GLIS3: variants seen among roughly 807,000 people sequenced by gnomAD.
GLIS3 encodes GLIS family zinc finger 3.
Under a neutral mutation model 78.6 loss-of-function variants are expected in GLIS3, and 53 were observed. The ratio of observed to expected loss-of-function variants is 0.67; its 90% CI spans 0.54 to 0.85. The LOEUF (loss-of-function observed/expected upper bound fraction) is 0.85, where lower values mean the gene tolerates loss of function less well. Ranked by LOEUF, GLIS3 falls within the 40% of genes least tolerant of loss-of-function variation. GLIS3 has a pLI of 0.00. For synonymous variants in GLIS3, 684 were observed against 509.9 expected, an observed-to-expected ratio of 1.34 and a Z score of -4.60; for missense variants, 1,703 against 1,231.1, an observed-to-expected ratio of 1.38 and a Z score of -5.74.
intron 9 of GLIS3, among the ~76,000 whole-genome samples, chr9:3,834,844 G>A (rs1473134467): frequency 2.6e-5 from 4 of 152,116 alleles, no homozygotes; most frequent in Non-Finnish European, 4.4e-5. Flanking sequence ...AACTGCCAGG[G>A]CACTCCAACC....
chr9:4,330,100 T>TA (rs1461825378), intron 2 of GLIS3, among the ~76,000 whole-genome samples: 1 of 152,160 alleles, frequency 6.6e-6, no homozygotes. Context: ...GACCAAAACT[T>TA]ACTTTTAGGA....
At chr9:4,126,903 T>A (rs570795085) in intron 2 of GLIS3, among the ~76,000 whole-genome samples, 1 of 152,334 alleles carries the variant, frequency 6.6e-6, no homozygotes, top group South Asian at 2.1e-4. Context: ...AAATTTCCCA[T>A]CTTTTTCATT....
chr9:4,328,299 G>A (rs1239302426), intron 2 of GLIS3, among the ~76,000 whole-genome samples: 9 of 152,156 alleles, frequency 5.9e-5, no homozygotes, highest in African/African-American at 2.2e-4. Context: ...CCCTGAAGAA[G>A]AGCTTGGTCA....
rs894843977 is a variant in GLIS3, at chr9:4,128,241, C to T, written c.389-2300G>A. Among the ~76,000 whole-genome samples, 8 of 152,214 alleles carry T rather than the reference C, an allele frequency of 5.3e-5. No homozygotes were observed. In the South Asian group the frequency reaches 1.7e-3, roughly 32 times the overall value. Reference sequence around the variant, plus strand: ...CAAGGGTCACCTCCTATATGACCTCCTCCTCCACTACCTGTTAGGCAGATC... The same window carrying T: ...CAAGGGTCACCTCCTATATGACCTCTTCCTCCACTACCTGTTAGGCAGATC... On this transcript the variant is annotated intron_variant, in intron 2 of 10. Coordinates refer to ENST00000381971, the MANE Select transcript of GLIS3 (RefSeq NM_001042413.2).
At chr9:4,209,956 C>G (rs1259466889) in intron 2 of GLIS3, among the ~76,000 whole-genome samples, 1 of 152,146 alleles carries the variant, frequency 6.6e-6, no homozygotes, top group Non-Finnish European at 1.5e-5. Context: ...TCCCCTCATC[C>G]GTAATGTTTT....
intron 2 of GLIS3, among the ~76,000 whole-genome samples, chr9:4,215,732 C>T (rs1820766563): frequency 6.6e-6 from 1 of 152,180 alleles, no homozygotes; most frequent in Admixed American, 6.5e-5. Context: ...TATAATTTAA[C>T]CACTTCAAAG....
intron 2 of GLIS3, among the ~76,000 whole-genome samples, chr9:4,184,321 G>A (rs1242615821): frequency 6.6e-6 from 1 of 152,140 alleles, no homozygotes; most frequent in Non-Finnish European, 1.5e-5. Context: ...TGTTGTAAAG[G>A]AGAAAACTTG....
intron 4 of GLIS3, chr9:4,054,511 A>G (rs1825978202): frequency 1.0e-6 from 1 of 985,168 alleles, no homozygotes. Flanking sequence ...CAGAAATGGC[A>G]GTCTACAGAG....
At chr9:4,161,003 G>A (rs1835426727) in intron 2 of GLIS3, among the ~76,000 whole-genome samples, 1 of 137,404 alleles carries the variant, frequency 7.3e-6, no homozygotes, top group African/African-American at 3.4e-5. Flanking sequence ...CAGCACTTAA[G>A]AAGGCTAAGG....
the GLIS3 span, among the ~76,000 whole-genome samples, chr9:4,362,905 G>C: frequency 6.6e-6 from 1 of 152,130 alleles, no homozygotes; most frequent in East Asian, 1.9e-4. Flanking sequence ...AATTTGAGGA[G>C]TTAGAGGGAG....
chr9:4,084,330 G>C (rs1411170266), intron 4 of GLIS3, among the ~76,000 whole-genome samples: 2 of 150,124 alleles, frequency 1.3e-5, no homozygotes, highest in South Asian at 2.1e-4. Flanking sequence ...AGAGGGGCCT[G>C]TGGGATATCT....
intron 4 of GLIS3, among the ~76,000 whole-genome samples, chr9:4,013,280 G>T (rs142825541): frequency 0.013 from 1,922 of 152,260 alleles, 17 homozygotes; most frequent in Non-Finnish European, 0.017. Flanking sequence ...CAGACTTTTA[G>T]ACAGCCTATG....
chr9:4,133,331 C>G (rs1833115813), intron 2 of GLIS3, among the ~76,000 whole-genome samples: 1 of 152,142 alleles, frequency 6.6e-6, no homozygotes, highest in Non-Finnish European at 1.5e-5. Context: ...CAATTGTTTT[C>G]CAATCCAGGA....
At chr9:4,136,260 G>C (rs1281962441) in intron 2 of GLIS3, among the ~76,000 whole-genome samples, 1 of 152,202 alleles carries the variant, frequency 6.6e-6, no homozygotes, top group Non-Finnish European at 1.5e-5. Flanking sequence ...TAAGCATGAA[G>C]CTAAATCATA....
At chr9:4,100,592 C>G (rs1195435017) in intron 4 of GLIS3, among the ~76,000 whole-genome samples, 1 of 152,222 alleles carries the variant, frequency 6.6e-6, no homozygotes, top group Middle Eastern at 3.4e-3. Flanking sequence ...GATTCTGTGT[C>G]AAATTCTGAG....
intron 2 of GLIS3, among the ~76,000 whole-genome samples, chr9:4,163,770 G>C (rs1183017231): frequency 1.3e-5 from 2 of 152,228 alleles, no homozygotes; most frequent in Non-Finnish European, 2.9e-5. Flanking sequence ...GGTATGCTCA[G>C]AATTGTGCTT....
intron 2 of GLIS3, among the ~76,000 whole-genome samples, chr9:4,205,450 G>C (rs950923124): frequency 3.9e-5 from 6 of 152,230 alleles, no homozygotes; most frequent in Non-Finnish European, 7.3e-5. Flanking sequence ...AAGGAGATAT[G>C]TTCTGGGGAT....
intron 2 of GLIS3, among the ~76,000 whole-genome samples, chr9:4,193,480 T>C (rs1452275525): frequency 6.6e-6 from 1 of 152,106 alleles, no homozygotes; most frequent in Non-Finnish European, 1.5e-5. Context: ...AGAAGATGGA[T>C]AAAAGAAGGA....
chr9:4,396,301 A>G, the GLIS3 span, among the ~76,000 whole-genome samples: 2 of 151,862 alleles, frequency 1.3e-5, no homozygotes, highest in African/African-American at 2.4e-5. Context: ...TTGCATTTTT[A>G]GTAGAGACAG....
Sources: gnomAD v4.1 joint callset for allele counts (sites outside exome capture counted in the v4.1 genomes callset) on GRCh38, gnomAD v4.1.1 for gene constraint, MANE v1.5 for transcripts, NCBI Gene and HGNC (gene_info 2026-07-23, HGNC 2026-07-21) for gene names.